LUZP2: variants seen among roughly 807,000 people sequenced by gnomAD.
LUZP2 encodes leucine zipper protein 2.
A neutral mutation model predicts 51.6 loss-of-function variants in LUZP2; 52 were observed. The observed-to-expected ratio is 1.01, with a 90% CI of 0.81 to 1.27. LUZP2 has a LOEUF of 1.27. LUZP2 is among the 50% of genes most tolerant of loss of function. The pLI, the probability that LUZP2 is intolerant of heterozygous loss-of-function variation, is 0.00. For missense variants in LUZP2, 436 were observed against 395.4 expected, an observed-to-expected ratio of 1.10 and a Z score of -0.87; for synonymous variants, 154 against 137.3, an observed-to-expected ratio of 1.12 and a Z score of -0.85.
At chr11:24,660,311 C>T (rs1226279645) in intron 1 of LUZP2, among the ~76,000 whole-genome samples, 4 of 152,052 alleles carry the variant, frequency 2.6e-5, no homozygotes, top group Non-Finnish European at 5.9e-5. Flanking sequence ...AATAATGGGG[C>T]TGACAACTTT....
intron 5 of LUZP2, among the ~76,000 whole-genome samples, chr11:24,857,952 A>AT (rs991167826): frequency 3.3e-5 from 5 of 152,010 alleles, no homozygotes; most frequent in South Asian, 2.1e-4. Context: ...AATTCAAGTG[A>AT]TTTTTTCAGC....
chr11:24,667,253 G>A (rs1482242541), intron 1 of LUZP2, among the ~76,000 whole-genome samples: 3 of 143,478 alleles, frequency 2.1e-5, no homozygotes, highest in African/African-American at 5.3e-5. Flanking sequence ...GCACGATCTC[G>A]GATCATTGCA....
In LUZP2 at chr11:24,826,190, A is replaced by AAAAAATATATATATATAT. The variant is rs1215786412; in HGVS notation, c.396+62883_396+62884insAAAATATATATATATATA. ...GACTCCATCTCAAAAAAAAAAAAAA[A>AAAAAATATATATATATAT]ATATATATATATATATATAGTAAAA... On this transcript the variant is annotated intron_variant, in intron 5 of 11. Transcript: ENST00000336930. Among the ~76,000 whole-genome samples, 46 of 67,514 alleles carry AAAAAATATATATATATAT rather than the reference A, an allele frequency of 6.8e-4. 1 individual carries two copies. Among genetic ancestry groups the AAAAAATATATATATATAT allele is most frequent in the East Asian group, 5.7e-3 (10 of 1,768 alleles). 44.3% of individuals were successfully genotyped at this position (67,514 alleles called of 152,430 possible).
At chr11:24,995,361 C>T (rs1856461379) in intron 9 of LUZP2, among the ~76,000 whole-genome samples, 1 of 152,088 alleles carries the variant, frequency 6.6e-6, no homozygotes, top group African/African-American at 2.4e-5. Context: ...CCACTACACT[C>T]CAGACTGGGT....
intron 5 of LUZP2, among the ~76,000 whole-genome samples, chr11:24,778,733 A>G (rs528138754): frequency 5.3e-5 from 8 of 152,334 alleles, no homozygotes; most frequent in African/African-American, 1.9e-4. Flanking sequence ...TTTTGCTAGC[A>G]TTTAAGACTT....
intron 10 of LUZP2, among the ~76,000 whole-genome samples, chr11:25,067,957 C>A (rs1287495758): frequency 6.6e-6 from 1 of 152,018 alleles, no homozygotes; most frequent in Non-Finnish European, 1.5e-5. Context: ...AAATGTGGCA[C>A]ATATGCACCA....
intron 1 of LUZP2, among the ~76,000 whole-genome samples, chr11:24,541,221 C>T (rs1851352861): frequency 6.9e-6 from 1 of 144,978 alleles, no homozygotes; most frequent in African/African-American, 2.6e-5. Context: ...CCATTGCACT[C>T]CAGCCTGGGG....
chr11:24,776,506 A>G (rs923257360), intron 5 of LUZP2, among the ~76,000 whole-genome samples: 1 of 152,252 alleles, frequency 6.6e-6, no homozygotes, highest in Middle Eastern at 3.2e-3. Context: ...AAATATATCC[A>G]GAAAACTATC....
intron 5 of LUZP2, among the ~76,000 whole-genome samples, chr11:24,776,633 T>C (rs141341339): frequency 0.012 from 1,793 of 152,262 alleles, 21 homozygotes; most frequent in Non-Finnish European, 0.018. Flanking sequence ...GTATTCACAT[T>C]GCCATATATT....
chr11:24,927,439 G>A (rs1207928254), intron 7 of LUZP2, among the ~76,000 whole-genome samples: 2 of 152,010 alleles, frequency 1.3e-5, no homozygotes, highest in South Asian at 2.1e-4. Context: ...TTTTGTATAC[G>A]GTGAGAGGAG....
chr11:25,024,654 A>G (rs1857431086), intron 9 of LUZP2, among the ~76,000 whole-genome samples: 3 of 152,142 alleles, frequency 2.0e-5, no homozygotes, highest in Non-Finnish European at 2.9e-5. Flanking sequence ...GAGGACACAA[A>G]CAAATGGAAG....
intron 6 of LUZP2, among the ~76,000 whole-genome samples, chr11:24,912,550 T>C (rs962756350): frequency 6.6e-6 from 1 of 152,142 alleles, no homozygotes; most frequent in Non-Finnish European, 1.5e-5. Flanking sequence ...GGCTCACATC[T>C]GTAATCCGAG....
At chr11:24,785,764 G>T (rs1460261495) in intron 5 of LUZP2, 2 of 539,560 alleles carry the variant, frequency 3.7e-6, no homozygotes, top group East Asian at 3.0e-4. Flanking sequence ...TAAACTGTTA[G>T]AGACAGAAGA....
chr11:25,055,734 C>T (rs1392451336), intron 10 of LUZP2, among the ~76,000 whole-genome samples: 1 of 152,130 alleles, frequency 6.6e-6, no homozygotes, highest in Non-Finnish European at 1.5e-5. Flanking sequence ...AAAGTGTTTT[C>T]TAATGCTTGA....
intron 1 of LUZP2, among the ~76,000 whole-genome samples, chr11:24,508,531 A>G (rs141030821): frequency 6.6e-6 from 1 of 152,072 alleles, no homozygotes; most frequent in Non-Finnish European, 1.5e-5. Context: ...CCAGTGAACT[A>G]TGGTTTTCTA....
intron 1 of LUZP2, among the ~76,000 whole-genome samples, chr11:24,547,670 C>A (rs1851599693): frequency 6.6e-6 from 1 of 151,220 alleles, no homozygotes. Flanking sequence ...CCTGGTAAAA[C>A]CTTCATGACA....
chr11:24,926,405 A>ACGTG (rs36195634), intron 7 of LUZP2, among the ~76,000 whole-genome samples: 1 of 134,164 alleles, frequency 7.5e-6, no homozygotes, highest in African/African-American at 2.9e-5. Flanking sequence ...GTATATATAT[A>ACGTG]TACGTGTGTA....
At chr11:24,649,277 G>C (rs1268888943) in intron 1 of LUZP2, among the ~76,000 whole-genome samples, 1 of 151,894 alleles carries the variant, frequency 6.6e-6, no homozygotes, top group Non-Finnish European at 1.5e-5. Flanking sequence ...TGGTTTTCCA[G>C]GGATCCCAAA....
At chr11:24,933,850 G>A (rs1854522852) in intron 7 of LUZP2, among the ~76,000 whole-genome samples, 1 of 152,120 alleles carries the variant, frequency 6.6e-6, no homozygotes, top group African/African-American at 2.4e-5. Flanking sequence ...AGTTCTTATA[G>A]GTTTGGGATG....
Sources: allele counts gnomAD v4.1 joint callset (sites outside exome capture counted in the v4.1 genomes callset), GRCh38; gene constraint gnomAD v4.1.1; transcripts MANE v1.5; gene names NCBI Gene and HGNC (gene_info 2026-07-23, HGNC 2026-07-21).